CEP128: variants seen among roughly 807,000 people sequenced by gnomAD.
The protein encoded by CEP128 is centrosomal protein 128kDa.
In CEP128, 132 loss-of-function variants were observed where a neutral mutation model predicts 156.7. The observed-to-expected ratio is 0.84, with a 90% CI of 0.73 to 0.97. The LOEUF is 0.97. Among genes scored for constraint, CEP128 ranks in the 50% least tolerant of loss-of-function variants. CEP128 has a pLI of 0.00. For synonymous variants in CEP128, 469 were observed against 448.9 expected (o/e 1.04, Z -0.57); for missense variants, 1,252 against 1,281.9 (o/e 0.98, Z 0.36).
intron 15 of CEP128, among the ~76,000 whole-genome samples, chr14:80,778,577 A>G (rs1900928555): frequency 6.6e-6 from 1 of 152,212 alleles, no homozygotes; most frequent in African/African-American, 2.4e-5. Flanking sequence ...TACTACTCTT[A>G]TGGGGCTAAA....
rs377074628 is a variant in CEP128, at chr14:80,807,679, C to G, written c.1210-14569G>C. 1.1e-4 allele frequency among the ~76,000 whole-genome samples: 17 copies of G among 152,296 alleles called. No individual in the cohort carries two copies. In the South Asian group the frequency reaches 3.5e-3, roughly 32 times the overall value. On this transcript the variant is annotated intron_variant, in intron 13 of 24. Coordinates refer to ENST00000555265, the MANE Select transcript of CEP128 (RefSeq NM_152446.5). ...TTATCCACATGAACCCTAACACTAG[C>G]AAGGACAGAGATCTGAACATCCCGT...
At chr14:80,582,374 G>C (rs973931306) in intron 19 of CEP128, among the ~76,000 whole-genome samples, 5 of 152,142 alleles carry the variant, frequency 3.3e-5, no homozygotes, top group African/African-American at 9.7e-5. Context: ...GAAGGATATA[G>C]AGATAACTAA....
At chr14:80,875,768 T>C (rs1214570438) in intron 8 of CEP128, among the ~76,000 whole-genome samples, 1 of 152,164 alleles carries the variant, frequency 6.6e-6, no homozygotes, top group Non-Finnish European at 1.5e-5. Context: ...TTCAGGTATA[T>C]GCACACTCGC....
At chr14:80,672,136 G>A (rs1895867019) in intron 19 of CEP128, among the ~76,000 whole-genome samples, 1 of 152,070 alleles carries the variant, frequency 6.6e-6, no homozygotes, top group Non-Finnish European at 1.5e-5. Context: ...ATAAAAGCTA[G>A]CTACTGGATG....
intron 9 of CEP128, among the ~76,000 whole-genome samples, chr14:80,842,894 CAAT>C: frequency 6.6e-6 from 1 of 152,068 alleles, no homozygotes; most frequent in South Asian, 2.1e-4. Flanking sequence ...ACAGCAACAA[CAAT>C]GAGCCTTAAT....
At chr14:80,612,696 T>C (rs1357209826) in intron 19 of CEP128, among the ~76,000 whole-genome samples, 1 of 152,198 alleles carries the variant, frequency 6.6e-6, no homozygotes, top group African/African-American at 2.4e-5. Context: ...ATTAGTGAAA[T>C]TTAAAATAAC....
intron 13 of CEP128, among the ~76,000 whole-genome samples, chr14:80,806,073 G>T (rs539548141): frequency 6.6e-6 from 1 of 152,180 alleles, no homozygotes; most frequent in South Asian, 2.1e-4. Flanking sequence ...ATAGCCTACT[G>T]TCTTCTCTAT....
intron 2 of CEP128, among the ~76,000 whole-genome samples, chr14:80,956,706 G>T (rs1886713544): frequency 6.6e-6 from 1 of 152,154 alleles, no homozygotes; most frequent in Admixed American, 6.5e-5. Flanking sequence ...GGTTATTAAA[G>T]AAAATGTTGA....
At chr14:80,932,609 G>A (rs1885529942) in intron 2 of CEP128, among the ~76,000 whole-genome samples, 1 of 152,122 alleles carries the variant, frequency 6.6e-6, no homozygotes, top group Non-Finnish European at 1.5e-5. Flanking sequence ...AACACACTTT[G>A]GGTGTCACTG....
intron 19 of CEP128, among the ~76,000 whole-genome samples, chr14:80,673,784 T>C (rs991742601): frequency 9.9e-5 from 15 of 151,562 alleles, no homozygotes; most frequent in Non-Finnish European, 1.6e-4. Context: ...TCTTTTCTCT[T>C]TCTCTCTCTC....
chr14:80,763,156 A>G (rs1371273058), intron 16 of CEP128, among the ~76,000 whole-genome samples: 4 of 152,218 alleles, frequency 2.6e-5, no homozygotes, highest in African/African-American at 9.6e-5. Context: ...TTATGAAACA[A>G]TGTTCAAATG....
intron 23 of CEP128, among the ~76,000 whole-genome samples, chr14:80,526,220 T>C (rs1888969733): frequency 6.6e-6 from 1 of 152,126 alleles, no homozygotes; most frequent in South Asian, 2.1e-4. Context: ...TCTACCACAA[T>C]GAATTAACTG....
At chr14:80,673,642 T>C in intron 19 of CEP128, among the ~76,000 whole-genome samples, 1 of 7,798 alleles carries the variant, frequency 1.3e-4, no homozygotes, top group Non-Finnish European at 2.5e-4. Context: ...CGAGACTCCG[T>C]CTCAAAAAAA....
chr14:80,814,217 C>T (rs980033875), intron 13 of CEP128, among the ~76,000 whole-genome samples: 2 of 152,110 alleles, frequency 1.3e-5, no homozygotes, highest in Admixed American at 1.3e-4. Context: ...GATGTATTTT[C>T]TCTTCAAATA....
intron 19 of CEP128, among the ~76,000 whole-genome samples, chr14:80,663,765 T>C (rs2140904276): frequency 6.6e-6 from 1 of 152,298 alleles, no homozygotes; most frequent in East Asian, 1.9e-4. Flanking sequence ...GCCAGAGAGC[T>C]AGGAAACTGC....
At chr14:80,772,227 C>T (rs1394667492) in intron 16 of CEP128, among the ~76,000 whole-genome samples, 1 of 152,020 alleles carries the variant, frequency 6.6e-6, no homozygotes, top group Non-Finnish European at 1.5e-5. Flanking sequence ...CTATCTGGTA[C>T]CCATATAAAC....
At position 80,580,387 on chromosome 14, in the gene CEP128, AT is replaced by A. The variant is rs1891538196; in HGVS notation, c.2842del (p.Met948TrpfsTer8). 1 of 1,600,280 alleles carries A rather than the reference AT, an allele frequency of 6.2e-7. No individual in the cohort carries two copies. Among genetic ancestry groups the A allele is most frequent in the Non-Finnish European group, 8.6e-7 (1 of 1,169,120 alleles). ...LEETQRKDEE[M>X]GSLQDRVIAL... Reference sequence around the variant, plus strand: ...TTAAGAATTTACCTGCAGAGATCCCATTTCTTCATCTTTTCTTTGGGTCTCT... The same window carrying A: ...TTAAGAATTTACCTGCAGAGATCCCATTCTTCATCTTTTCTTTGGGTCTCT... On this transcript the variant is annotated frameshift_variant, in exon 20 of 25. Transcript: ENST00000555265. LOFTEE classifies it high-confidence loss of function.
At chr14:80,566,843 C>T (rs1193430665) in intron 20 of CEP128, among the ~76,000 whole-genome samples, 2 of 138,816 alleles carry the variant, frequency 1.4e-5, no homozygotes, top group Non-Finnish European at 3.0e-5. Flanking sequence ...TAACACAACA[C>T]ACATATTGAA....
intron 16 of CEP128, among the ~76,000 whole-genome samples, chr14:80,764,086 C>T (rs1377376816): frequency 2.0e-5 from 3 of 152,176 alleles, no homozygotes; most frequent in Non-Finnish European, 4.4e-5. Context: ...TCTGTGGTCT[C>T]CATTACTTGT....
Sources: allele counts gnomAD v4.1 joint callset (sites outside exome capture counted in the v4.1 genomes callset), GRCh38; gene constraint gnomAD v4.1.1; transcripts MANE v1.5; gene names NCBI Gene and HGNC (gene_info 2026-07-23, HGNC 2026-07-21).